The following ABCA13 variants were observed in gnomAD, a reference collection of about 807,000 sequenced individuals.
ABCA13 encodes ATP-binding cassette sub-family A member 13.
Under a neutral mutation model 478.7 loss-of-function variants are expected in ABCA13, and 476 were observed. The ratio of observed to expected loss-of-function variants is 0.99; its 90% CI spans 0.92 to 1.07. The LOEUF (loss-of-function observed/expected upper bound fraction) is 1.07, where lower values mean the gene tolerates loss of function less well. Among genes scored for constraint, ABCA13 ranks in the 50% least tolerant of loss-of-function variants. ABCA13 has a pLI of 0.00. For missense variants in ABCA13, 6,060 were observed against 5,910.6 expected, an observed-to-expected ratio of 1.03 and a Z score of -0.83; for synonymous variants, 2,252 against 2,158.9, an observed-to-expected ratio of 1.04 and a Z score of -1.20.
rs1345973706 is a variant in ABCA13 at position 48,471,613 on chromosome 7, G to A, written c.12975+14G>A. ...TGTGGCTGCCTGGTAGGTTTCTGCA[G>A]CATTTTTGATCTTTTTAAGTCTAAA... On this transcript the variant is annotated intron_variant, in intron 45 of 61. Transcript: ENST00000435803. 1 of 1,553,232 alleles carries A rather than the reference G, an allele frequency of 6.4e-7. No homozygotes were observed. Among genetic ancestry groups the A allele is most frequent in the Non-Finnish European group, 8.7e-7 (1 of 1,147,280 alleles).
In ABCA13 at chr7:48,284,889, C is replaced by A. The variant is rs191812716; in HGVS notation, c.8837-3071C>A. 2.6e-4 allele frequency among the ~76,000 whole-genome samples: 39 copies of A among 152,206 alleles called. 1 individual carries two copies. The East Asian group carries it at 6.0e-3, about 23-fold the overall frequency. The stretch of plus-strand genomic sequence containing the variant: ...GAATTGACCAATGTGGGCAAATAGC[C>A]CCTCCTCTCCCATCATATAAAGGGA... On this transcript the variant is annotated intron_variant, in intron 19 of 61. Coordinates refer to ENST00000435803, the MANE Select transcript of ABCA13 (RefSeq NM_152701.5).
intron 31 of ABCA13, among the ~76,000 whole-genome samples, chr7:48,352,773 A>G (rs548902597): frequency 4.6e-5 from 7 of 152,180 alleles, no homozygotes; most frequent in African/African-American, 1.7e-4. Context: ...AATAACATTC[A>G]CAAGGGCTGT....
chr7:48,494,191 A>G (rs1324926601), intron 48 of ABCA13, among the ~76,000 whole-genome samples: 1 of 152,186 alleles, frequency 6.6e-6, no homozygotes, highest in Non-Finnish European at 1.5e-5. Flanking sequence ...TGCTAGGATG[A>G]TGGGACAGAG....
chr7:48,251,540 A>T (rs1792557338), intron 15 of ABCA13, among the ~76,000 whole-genome samples: 2 of 152,164 alleles, frequency 1.3e-5, no homozygotes, highest in African/African-American at 4.8e-5. Context: ...CTGTAAGCTT[A>T]ACCACTCTAC....
At position 48,279,283 on chromosome 7, in the gene ABCA13, A is replaced by G. The variant is rs1246465091; in HGVS notation, c.8089A>G (p.Asn2697Asp). 1.3e-6 allele frequency: 2 copies of G among 1,588,656 alleles called. No homozygotes were observed. Among genetic ancestry groups the G allele is most frequent in the African/African-American group, 1.3e-5 (1 of 74,590 alleles). ...CAACCAAATGGACTTCTTATACCCT[A>G]ATCCAATTTCCACTCATAGTGGCCC... is the stretch of plus-strand genomic sequence containing the variant. Reference protein sequence around the residue: ...ITNQMDFLYPNPISTHSGPQD... With the variant: ...ITNQMDFLYPDPISTHSGPQD... Residue 2697 changes from asparagine to aspartate, a missense_variant, in exon 18 of 62, where the codon AAT (asparagine) becomes GAT (aspartate). Asn to Asp is a conservative substitution (Grantham distance 23). Around this residue, in one of 3 missense-constraint regions of ABCA13, gnomAD observed 4,423 missense variants for 4,309.1 expected, o/e 1.03. Coordinates refer to ENST00000435803, the MANE Select transcript of ABCA13 (RefSeq NM_152701.5).
At chr7:48,194,956 G>A (rs559981068) in intron 2 of ABCA13, among the ~76,000 whole-genome samples, 18 of 152,222 alleles carry the variant, frequency 1.2e-4, no homozygotes, top group Non-Finnish European at 1.9e-4. Context: ...AGAGCTCACT[G>A]TAGGGCCAGA....
At chr7:48,367,945 A>G (rs1811939040) in intron 32 of ABCA13, 37 bp downstream of exon 32, 1 of 1,501,648 alleles carries the variant, frequency 6.7e-7, no homozygotes, top group Non-Finnish European at 9.0e-7. Flanking sequence ...AGACAAAGAT[A>G]GGGAGGCTGG....
intron 3 of ABCA13, among the ~76,000 whole-genome samples, chr7:48,214,745 A>C (rs1786189983): frequency 1.3e-5 from 2 of 152,238 alleles, no homozygotes; most frequent in South Asian, 4.1e-4. Context: ...ATAGAACTAA[A>C]GAGAATTAGG....
chr7:48,331,391 T>C (rs1235102844), intron 27 of ABCA13, among the ~76,000 whole-genome samples: 1 of 152,238 alleles, frequency 6.6e-6, no homozygotes, highest in African/African-American at 2.4e-5. Flanking sequence ...ATTAGTTCCC[T>C]ATAATCTTCT....
intron 47 of ABCA13, among the ~76,000 whole-genome samples, chr7:48,488,039 T>C (rs1001507587): frequency 6.6e-6 from 1 of 152,118 alleles, no homozygotes; most frequent in Non-Finnish European, 1.5e-5. Flanking sequence ...ACACTCACAG[T>C]TCTGTAGTTA....
At chr7:48,459,585 G>T (rs1420356984) in intron 43 of ABCA13, among the ~76,000 whole-genome samples, 2 of 152,126 alleles carry the variant, frequency 1.3e-5, no homozygotes, top group African/African-American at 2.4e-5. Context: ...TGTCATTCCT[G>T]TGTGGATGTC....
intron 15 of ABCA13, among the ~76,000 whole-genome samples, chr7:48,265,794 T>C (rs183796591): frequency 2.3e-4 from 35 of 151,800 alleles, no homozygotes; most frequent in Middle Eastern, 3.4e-3. Context: ...TCTAGTATAA[T>C]ATGGAATAGA....
intron 59 of ABCA13, among the ~76,000 whole-genome samples, chr7:48,636,564 T>A (rs980180106): frequency 2.0e-5 from 3 of 152,126 alleles, no homozygotes; most frequent in Non-Finnish European, 4.4e-5. Flanking sequence ...CCTGCCCTGT[T>A]TTTGAGCCTG....
intron 51 of ABCA13, 32 bp downstream of exon 51, chr7:48,511,231 CG>C: frequency 6.4e-7 from 1 of 1,555,826 alleles, no homozygotes; most frequent in Non-Finnish European, 8.8e-7. Context: ...TGCAGAATTA[CG>C]GTTTGTTTTC....
At chr7:48,579,117 A>G (rs1788462894) in intron 55 of ABCA13, among the ~76,000 whole-genome samples, 1 of 152,232 alleles carries the variant, frequency 6.6e-6, no homozygotes, top group South Asian at 2.1e-4. Flanking sequence ...ATGATCCATA[A>G]AAGAAAATGT....
chr7:48,304,662 T>C (rs1800641619), intron 23 of ABCA13, among the ~76,000 whole-genome samples: 1 of 152,148 alleles, frequency 6.6e-6, no homozygotes, highest in Non-Finnish European at 1.5e-5. Context: ...AAACCACCTA[T>C]TGGGCACTAT....
intron 3 of ABCA13, among the ~76,000 whole-genome samples, chr7:48,210,547 AT>A (rs556125059): frequency 3.3e-5 from 5 of 150,386 alleles, no homozygotes; most frequent in African/African-American, 7.4e-5. Context: ...TTCTATTTTG[AT>A]TTTTTTTTAA....
At chr7:48,284,832 G>T (rs1797508499) in intron 19 of ABCA13, among the ~76,000 whole-genome samples, 1 of 152,186 alleles carries the variant, frequency 6.6e-6, no homozygotes, top group South Asian at 2.1e-4. Flanking sequence ...GGAGGGCAGT[G>T]ACAGATCCCA....
At chr7:48,346,920 A>C (rs999862137) in intron 29 of ABCA13, among the ~76,000 whole-genome samples, 2 of 152,192 alleles carry the variant, frequency 1.3e-5, no homozygotes, top group Non-Finnish European at 2.9e-5. Context: ...CTATGTTCCC[A>C]AACCAGGTTA....
Sources: allele counts gnomAD v4.1 joint callset (sites outside exome capture counted in the v4.1 genomes callset), GRCh38; gene constraint gnomAD v4.1.1; regional missense constraint gnomAD v4.1.1; transcripts MANE v1.5; gene names NCBI Gene and HGNC (gene_info 2026-07-23, HGNC 2026-07-21).